RABGAP1L: variants seen among roughly 807,000 people sequenced by gnomAD.
RABGAP1L encodes the protein rab GTPase-activating protein 1-like.
RABGAP1L carries 63 observed loss-of-function variants against 137.7 expected under a neutral mutation model. The ratio of observed to expected loss-of-function variants is 0.46; its 90% CI spans 0.37 to 0.56. RABGAP1L has a LOEUF of 0.56. Among genes scored for constraint, RABGAP1L ranks in the 20% least tolerant of loss-of-function variants. The pLI is 0.00. For synonymous variants in RABGAP1L, 431 were observed against 433.7 expected, an observed-to-expected ratio of 0.99 and a Z score of 0.08; for missense variants, 1,095 against 1,244.0, an observed-to-expected ratio of 0.88 and a Z score of 1.80.
intron 11 of RABGAP1L, among the ~76,000 whole-genome samples, chr1:174,362,712 C>G (rs949599059): frequency 7.2e-5 from 11 of 152,150 alleles, no homozygotes; most frequent in Non-Finnish European, 1.2e-4. Flanking sequence ...AAAATGTTCT[C>G]CCATTCTGTA....
intron 18 of RABGAP1L, among the ~76,000 whole-genome samples, chr1:174,770,857 A>G (rs1686063508): frequency 6.6e-6 from 1 of 152,174 alleles, no homozygotes; most frequent in Non-Finnish European, 1.5e-5. Flanking sequence ...ACAGATATTC[A>G]CTATTGACAG....
chr1:174,706,870 T>C (rs1464605649), intron 17 of RABGAP1L, among the ~76,000 whole-genome samples: 2 of 152,216 alleles, frequency 1.3e-5, no homozygotes, highest in Non-Finnish European at 2.9e-5. Context: ...TTTTTAGTCA[T>C]CATTATGTTT....
At chr1:174,229,450 G>T (rs1223247479) in intron 3 of RABGAP1L, among the ~76,000 whole-genome samples, 2 of 152,108 alleles carry the variant, frequency 1.3e-5, no homozygotes, top group African/African-American at 4.8e-5. Context: ...CTTAGTCAAG[G>T]GTTTAGTATG....
chr1:174,539,374 C>T (rs1380700001), intron 13 of RABGAP1L, among the ~76,000 whole-genome samples: 10 of 151,554 alleles, frequency 6.6e-5, no homozygotes, highest in Admixed American at 4.6e-4. Flanking sequence ...ACATGTGCCA[C>T]GTGGGTGTGC....
At chr1:174,781,348 G>T (rs1482812127) in intron 18 of RABGAP1L, among the ~76,000 whole-genome samples, 2 of 152,112 alleles carry the variant, frequency 1.3e-5, no homozygotes, top group African/African-American at 2.4e-5. Context: ...TCATGTGTCT[G>T]TTGGCTACAT....
At chr1:174,773,183 T>TGTGTGTGTGTGTGTG in intron 18 of RABGAP1L, among the ~76,000 whole-genome samples, 3 of 145,662 alleles carry the variant, frequency 2.1e-5, no homozygotes, top group South Asian at 2.2e-4. Context: ...TGTGTGTGTG[T>TGTGTGTGTGTGTGTG]TTATTTTAAA....
chr1:174,236,168 T>C (rs1365113981), intron 4 of RABGAP1L, among the ~76,000 whole-genome samples: 42 of 74,548 alleles, frequency 5.6e-4, no homozygotes, highest in Non-Finnish European at 7.9e-5. Flanking sequence ...TTTTTTTCTT[T>C]ATTAGTCTTG....
At chr1:174,896,410 G>A (rs1657179090) in intron 19 of RABGAP1L, among the ~76,000 whole-genome samples, 1 of 152,152 alleles carries the variant, frequency 6.6e-6, no homozygotes, top group African/African-American at 2.4e-5. Context: ...TCTGATGATA[G>A]TTTCTTCTGC....
At chr1:174,468,625 C>A (rs1460885998) in intron 13 of RABGAP1L, among the ~76,000 whole-genome samples, 4 of 152,244 alleles carry the variant, frequency 2.6e-5, no homozygotes, top group African/African-American at 9.6e-5. Context: ...TAGTTAATTT[C>A]TTAAACTAAT....
At chr1:174,408,549 G>T (rs996994866) in intron 13 of RABGAP1L, among the ~76,000 whole-genome samples, 1 of 152,050 alleles carries the variant, frequency 6.6e-6, no homozygotes, top group Admixed American at 6.6e-5. Context: ...CTTTTCGATA[G>T]AAATATTTGT....
chr1:174,548,544 T>G, intron 13 of RABGAP1L: 1 of 974,764 alleles, frequency 1.0e-6, no homozygotes, highest in Non-Finnish European at 1.2e-6. Flanking sequence ...TTCAAAACAG[T>G]AAAATCACTA....
intron 18 of RABGAP1L, among the ~76,000 whole-genome samples, chr1:174,798,367 C>G (rs1012310418): frequency 6.6e-6 from 1 of 151,100 alleles, no homozygotes; most frequent in Non-Finnish European, 1.5e-5. Context: ...GCTGCCACTG[C>G]ACTCCAGCCT....
chr1:174,384,925 T>C (rs144481518), intron 12 of RABGAP1L, among the ~76,000 whole-genome samples: 4 of 152,344 alleles, frequency 2.6e-5, no homozygotes, highest in African/African-American at 9.6e-5. Context: ...GAAATCTAAG[T>C]TGTAATATTC....
At chr1:174,359,182 T>C (rs1683923817) in intron 11 of RABGAP1L, among the ~76,000 whole-genome samples, 1 of 152,156 alleles carries the variant, frequency 6.6e-6, no homozygotes, top group African/African-American at 2.4e-5. Flanking sequence ...TTATCTTCTT[T>C]GTCATGTTCT....
intron 13 of RABGAP1L, 26 bp downstream of exon 13, chr1:174,394,171 T>C: frequency 6.2e-7 from 1 of 1,603,640 alleles, no homozygotes; most frequent in African/African-American, 1.3e-5. Context: ...TTTCATATTA[T>C]TTTCATTGGA....
At chr1:174,639,495 A>G (rs1674349051) in intron 14 of RABGAP1L, among the ~76,000 whole-genome samples, 1 of 152,172 alleles carries the variant, frequency 6.6e-6, no homozygotes, top group African/African-American at 2.4e-5. Context: ...AGGAAAATTT[A>G]TATCATTTCC....
rs202164924 is a variant in RABGAP1L, at chr1:174,215,469, AT to A, written c.-33-3655del. On this transcript the variant is annotated intron_variant, in intron 1 of 25. Transcript: ENST00000681986. ...CGAAACTCCATCTCAAAAAAAAAAA[AT>A]AATAATAATAAAATAAAATCTAATT... is the stretch of plus-strand genomic sequence containing the variant. 1.4e-3 allele frequency among the ~76,000 whole-genome samples: 197 copies of A among 142,376 alleles called. 3 individuals carry two copies. Among genetic ancestry groups the A allele is most frequent in the Admixed American group, 2.6e-3 (37 of 14,332 alleles). The allele number at this position is 142,376 out of a possible 152,430, so 93.4% of individuals were successfully genotyped here.
At chr1:174,626,454 C>T (rs1672951369) in intron 13 of RABGAP1L, among the ~76,000 whole-genome samples, 1 of 152,200 alleles carries the variant, frequency 6.6e-6, no homozygotes, top group Non-Finnish European at 1.5e-5. Context: ...TACACGCCTC[C>T]CTTTAGTTCT....
At chr1:174,263,722 T>A (rs1390166526) in intron 7 of RABGAP1L, among the ~76,000 whole-genome samples, 1 of 151,892 alleles carries the variant, frequency 6.6e-6, no homozygotes, top group Non-Finnish European at 1.5e-5. Flanking sequence ...TTTTTTTTTT[T>A]AACGGGGAGT....
Sources: gnomAD v4.1 joint callset for allele counts (sites outside exome capture counted in the v4.1 genomes callset) on GRCh38, gnomAD v4.1.1 for gene constraint, MANE v1.5 for transcripts, NCBI Gene and HGNC (gene_info 2026-07-23, HGNC 2026-07-21) for gene names.